The following AGA variants were observed in gnomAD, a reference collection of about 807,000 sequenced individuals.
The protein encoded by AGA is aspartylglucosaminidase, also known as N(4)-(beta-N-acetylglucosaminyl)-L-asparaginase.
A neutral mutation model predicts 40.1 loss-of-function variants in AGA; 31 were observed. That is an observed-to-expected ratio of 0.77 (90% CI 0.58 to 1.04). The LOEUF is 1.04. Among genes scored for constraint, AGA ranks in the 50% least tolerant of loss-of-function variants. The probability of loss-of-function intolerance (pLI) is 0.00; values close to 1 mark genes in which losing one functional copy is unlikely to be tolerated. For missense variants in AGA, 445 were observed against 435.4 expected, an observed-to-expected ratio of 1.02 and a Z score of -0.20; for synonymous variants, 148 against 144.0, an observed-to-expected ratio of 1.03 and a Z score of -0.20.
chr4:177,431,048 T>C lies in AGA; in HGVS notation c.*660A>G, dbSNP rs1156649546. On this transcript the variant is annotated 3_prime_UTR_variant, in exon 9 of 9. Transcript: ENST00000264595. ...ACGATCAATACTAAATATTAGCAGC[T>C]AAAACATCATTGATTCTTGTGGCTT... 4.4e-6 allele frequency: 2 copies of C among 453,886 alleles called. No homozygotes were observed. The highest frequency in any genetic ancestry group is 8.8e-6 in the Non-Finnish European group (2 of 226,734). The allele number at this position is 453,886 out of a possible 1,614,324, so 28.1% of individuals were successfully genotyped here.
rs141883596 is a variant in AGA at position 177,437,058 on chromosome 4, C to T, written c.622+347G>A. On this transcript the variant is annotated intron_variant, in intron 5 of 8. Transcript: ENST00000264595. ...AGTCTGTGGTAGTCTGTTATAACAG[C>T]GAAAAACAAACTAAGACATAGACTA... 9.1e-4 allele frequency: 276 copies of T among 302,134 alleles called. 4 individuals carry two copies. Among genetic ancestry groups the T allele is most frequent in the African/African-American group, 5.4e-3 (246 of 45,250 alleles). 18.7% of individuals were successfully genotyped at this position (302,134 alleles called of 1,614,324 possible). A position where few individuals can be genotyped will look rare whatever the true frequency, so the allele number is the denominator to read the frequency against.
intron 8 of AGA, among the ~76,000 whole-genome samples, chr4:177,432,635 C>A (rs1736667861): frequency 6.6e-6 from 1 of 151,964 alleles, no homozygotes; most frequent in Non-Finnish European, 1.5e-5. Flanking sequence ...GTGTATCTTC[C>A]CCATCTGAAA....
chr4:177,439,717 T>A (rs1288249204), intron 2 of AGA, 29 bp from the exon 3 acceptor site: 3 of 1,503,154 alleles, frequency 2.0e-6, no homozygotes, highest in Admixed American at 1.7e-5. Flanking sequence ...CAGTTAGGAA[T>A]TAAGGAGTTT....
intron 1 of AGA, among the ~76,000 whole-genome samples, chr4:177,441,849 C>T (rs1373932440): frequency 6.6e-6 from 1 of 152,098 alleles, no homozygotes; most frequent in East Asian, 1.9e-4. Flanking sequence ...TATTAGTCGT[C>T]TACAAAATTG....
At chr4:177,435,095 G>A (rs1281664224) in intron 6 of AGA, among the ~76,000 whole-genome samples, 5 of 150,994 alleles carry the variant, frequency 3.3e-5, no homozygotes, top group Non-Finnish European at 4.4e-5. Context: ...TTTTTCAGTA[G>A]AGACTGGGTT....
At chr4:177,441,077 G>T (rs1351544217) in intron 1 of AGA, among the ~76,000 whole-genome samples, 2 of 152,150 alleles carry the variant, frequency 1.3e-5, no homozygotes, top group African/African-American at 4.8e-5. Context: ...TTGGGGGTGT[G>T]GGGGGAAGGG....
chr4:177,436,866 T>C (rs1736839738), intron 5 of AGA, among the ~76,000 whole-genome samples: 1 of 152,242 alleles, frequency 6.6e-6, no homozygotes, highest in Non-Finnish European at 1.5e-5. Flanking sequence ...AATGCCATTA[T>C]CGCAGGGAGT....
intron 2 of AGA, chr4:177,439,899 A>T: frequency 1.7e-6 from 1 of 602,304 alleles, no homozygotes; most frequent in African/African-American, 1.9e-5. Context: ...ATGTACCACA[A>T]CAGCACTAAA....
chr4:177,442,073 G>A (rs1009912544), intron 1 of AGA, among the ~76,000 whole-genome samples, 176 bp downstream of exon 1: 3 of 152,196 alleles, frequency 2.0e-5, no homozygotes, highest in Admixed American at 1.3e-4. Flanking sequence ...AAGGCCACTT[G>A]CAAGAGACTG....
At chr4:177,438,596 T>G in intron 4 of AGA, 149 bp downstream of exon 4, 1 of 679,418 alleles carries the variant, frequency 1.5e-6, no homozygotes, top group Non-Finnish European at 2.7e-6. Flanking sequence ...GGAACATCCA[T>G]ACCTGGAGAG....
intron 3 of AGA, 136 bp from the exon 4 acceptor site, chr4:177,438,993 T>G: frequency 1.4e-6 from 1 of 715,510 alleles, no homozygotes; most frequent in Admixed American, 2.0e-5. Context: ...TATTCACACA[T>G]GAACAGTTTT....
chr4:177,437,615 A>C, intron 4 of AGA, 96 bp from the exon 5 acceptor site: 1 of 793,934 alleles, frequency 1.3e-6, no homozygotes, highest in African/African-American at 1.7e-5. Context: ...AAGAAACCAA[A>C]AAAAGACATC....
intron 6 of AGA, among the ~76,000 whole-genome samples, chr4:177,434,762 G>C (rs1736753711): frequency 6.6e-6 from 1 of 152,176 alleles, no homozygotes; most frequent in African/African-American, 2.4e-5. Context: ...ACTGGAGGCT[G>C]GGGGGAGGGG....
At position 177,442,429 on chromosome 4, in the gene AGA, C is replaced by G. The variant is rs1475509138; in HGVS notation, c.-54G>C. The G allele has an allele frequency of 1.2e-6, 2 of 1,612,550 alleles. No homozygotes were observed. The highest frequency in any genetic ancestry group is 1.7e-6 in the Non-Finnish European group (2 of 1,179,376). On this transcript the variant is annotated 5_prime_UTR_variant, in exon 1 of 9. Transcript: ENST00000264595. ...AAAAGTCCCGGCAGCCAGCGATCGC[C>G]GAACAATTAATCCCCAGTGCCCCGC...
intron 6 of AGA, 84 bp downstream of exon 6, chr4:177,436,192 G>C: frequency 8.7e-7 from 1 of 1,148,130 alleles, no homozygotes; most frequent in Admixed American, 1.7e-5. Flanking sequence ...CTAGGGCTGT[G>C]CTTTGCAACC....
In AGA at chr4:177,440,280, T is replaced by C. The variant is rs746506859; in HGVS notation, c.274A>G (p.Met92Val). ...CCTGAACGGTGTTCTTACCCATCCA[T>C]GATCATGGCATCTAGTGTGGTTTCT... ...LGETTLDAMI[M>V]DGTTMDVGAV... Residue 92 changes from methionine to valine, a missense_variant, in exon 2 of 9, where the codon ATG (methionine) becomes GTG (valine). Met to Val is a conservative substitution (Grantham distance 21). Coordinates refer to ENST00000264595, the MANE Select transcript of AGA (RefSeq NM_000027.4). The C allele has an allele frequency of 1.9e-6, 3 of 1,614,024 alleles. No individual in the cohort carries two copies. The highest frequency in any genetic ancestry group is 2.5e-6 in the Non-Finnish European group (3 of 1,180,028).
rs763018918 is a variant in AGA, at chr4:177,433,300, G to A, written c.854C>T (p.Ala285Val). ...GATTCTTGAAATCACTTTTTGGCAA[G>A]CTATGGTTGGATCTTCTCCTCTTCT... ...YMRRGEDPTI[A>V]CQKVISRIQK... Residue 285 changes from alanine (A) to valine (V), a missense_variant, in exon 8 of 9, where the codon GCT becomes GTT. By Grantham distance (64) the Ala-to-Val change is moderately conservative. Transcript: ENST00000264595. 12 of 1,613,926 alleles carry A rather than the reference G, an allele frequency of 7.4e-6. No homozygotes were observed. In the Admixed American group the frequency reaches 1.5e-4, roughly 20 times the overall value.
rs1736934531 is a variant in AGA at position 177,439,695 on chromosome 4, G to C, written c.282-7C>G. On this transcript the variant is annotated splice_polypyrimidine_tract_variant and splice_region_variant and intron_variant, in intron 2 of 8. Coordinates refer to ENST00000264595, the MANE Select transcript of AGA (RefSeq NM_000027.4). ...TCCTACATCCATAGTAGTGCTGCAAGAAAATAGAATGCAGTTAGGAATTAA... is the reference window on the plus strand; with the variant it reads ...TCCTACATCCATAGTAGTGCTGCAACAAAATAGAATGCAGTTAGGAATTAA... 6.3e-7 allele frequency: 1 copy of C among 1,580,532 alleles called. No individual in the cohort carries two copies. The highest frequency in any genetic ancestry group is 1.7e-5 in the Admixed American group (1 of 59,538).
At chr4:177,432,011 T>C (rs1736650768) in intron 8 of AGA, among the ~76,000 whole-genome samples, 1 of 152,188 alleles carries the variant, frequency 6.6e-6, no homozygotes, top group Non-Finnish European at 1.5e-5. Context: ...AACTATCTCT[T>C]TGAACTTCAG....
Sources: gnomAD v4.1 joint callset for allele counts (sites outside exome capture counted in the v4.1 genomes callset) on GRCh38, gnomAD v4.1.1 for gene constraint, MANE v1.5 for transcripts, NCBI Gene and HGNC (gene_info 2026-07-23, HGNC 2026-07-21) for gene names.